Variants in FRMD4B observed in about 807,000 individuals in gnomAD.
FRMD4B encodes the protein FERM domain containing 4B, also known as FERM domain-containing protein 4B.
Under a neutral mutation model 141.5 loss-of-function variants are expected in FRMD4B, and 74 were observed. The ratio of observed to expected loss-of-function variants is 0.52; its 90% CI spans 0.43 to 0.63. FRMD4B has a LOEUF of 0.63. Among genes scored for constraint, FRMD4B ranks in the 30% least tolerant of loss-of-function variants. The pLI, the probability that FRMD4B is intolerant of heterozygous loss-of-function variation, is 0.00. For synonymous variants in FRMD4B, 506 were observed against 467.9 expected (o/e 1.08, Z -1.05); for missense variants, 1,366 against 1,253.4 (o/e 1.09, Z -1.36).
intron 1 of FRMD4B, among the ~76,000 whole-genome samples, chr3:69,506,536 CTTT>C (rs1186898512): frequency 6.8e-6 from 1 of 146,504 alleles, no homozygotes; most frequent in Non-Finnish European, 1.5e-5. Flanking sequence ...CTGCTAAATT[CTTT>C]TTTTTTTTCT....
In FRMD4B at chr3:69,525,269, C is replaced by T. The variant is rs530835468; in HGVS notation, c.-129+16937G>A. On this transcript the variant is annotated intron_variant, in intron 1 of 5. Transcript: ENST00000459638. Reference sequence around the variant, plus strand: ...ACAGTCTTTTTTCAGACTCCCCTTTCTCAGAGCACACAGGATGGGTAGATG... The same window carrying T: ...ACAGTCTTTTTTCAGACTCCCCTTTTTCAGAGCACACAGGATGGGTAGATG... Among the ~76,000 whole-genome samples, 1,292 of 152,344 alleles carry T rather than the reference C, an allele frequency of 8.5e-3. 21 individuals are homozygous for T. The highest frequency in any genetic ancestry group is 0.029 in the African/African-American group (1,190 of 41,574).
rs746205727 is a variant in FRMD4B, at chr3:69,176,493, C to T, written c.2984+31G>A. 5 of 1,585,998 alleles carry T rather than the reference C, an allele frequency of 3.2e-6. No homozygotes were observed. In the African/African-American group the frequency reaches 4.0e-5, roughly 13 times the overall value. On this transcript the variant is annotated intron_variant, in intron 22 of 22. Transcript: ENST00000398540. Reference sequence around the variant, plus strand: ...CTGAATTCTTTTGAACTGGAACAGGCTCCTAGGATTTTCGAGCATTGCTTC... The same window carrying T: ...CTGAATTCTTTTGAACTGGAACAGGTTCCTAGGATTTTCGAGCATTGCTTC...
chr3:69,476,620 T>G lies in FRMD4B; in HGVS notation c.-128-43859A>C, dbSNP rs577844642. ...TGGTTACTCTAGCCTTGTAGTATAG[T>G]TTGAAGTCAGGTAGCGTGATGCCTC... is the stretch of plus-strand genomic sequence containing the variant. On this transcript the variant is annotated intron_variant, in intron 1 of 5. Transcript: ENST00000459638. Among the ~76,000 whole-genome samples the G allele has an allele frequency of 1.7e-3, 254 of 152,326 alleles. 1 individual carries two copies. The highest frequency in any genetic ancestry group is 9.3e-3 in the South Asian group (45 of 4,824).
At chr3:69,287,880 C>T (rs756002477) in intron 4 of FRMD4B, 44 bp from the exon 5 acceptor site, 1 of 900,730 alleles carries the variant, frequency 1.1e-6, no homozygotes. Flanking sequence ...TTTATTTTCA[C>T]CTCTCAGCAT....
At chr3:69,199,777 C>T (rs992452687) in intron 11 of FRMD4B, among the ~76,000 whole-genome samples, 1 of 152,220 alleles carries the variant, frequency 6.6e-6, no homozygotes, top group Admixed American at 6.5e-5. Flanking sequence ...GAGGAACAAA[C>T]TTTACTAGCA....
chr3:69,239,581 G>T (rs1027576660), intron 7 of FRMD4B, among the ~76,000 whole-genome samples: 3 of 152,136 alleles, frequency 2.0e-5, no homozygotes, highest in African/African-American at 7.2e-5. Context: ...TGGGAAGCAG[G>T]TTAACATGAA....
chr3:69,527,973 G>A (rs968054671), intron 1 of FRMD4B, among the ~76,000 whole-genome samples: 4 of 152,152 alleles, frequency 2.6e-5, no homozygotes, highest in African/African-American at 9.7e-5. Context: ...TGCAGACACT[G>A]ATAGAGGCAA....
intron 7 of FRMD4B, among the ~76,000 whole-genome samples, chr3:69,247,187 T>G (rs747441536): frequency 3.3e-5 from 5 of 152,160 alleles, no homozygotes; most frequent in Non-Finnish European, 5.9e-5. Flanking sequence ...GGGCAACGTT[T>G]ACATACATTT....
intron 1 of FRMD4B, among the ~76,000 whole-genome samples, chr3:69,495,626 G>C (rs1351394518): frequency 2.0e-5 from 3 of 152,272 alleles, no homozygotes; most frequent in South Asian, 2.1e-4. Context: ...GAACTTAGTT[G>C]AATTATTCAT....
chr3:69,423,814 A>G (rs1442579674), intron 2 of FRMD4B, among the ~76,000 whole-genome samples: 1 of 152,160 alleles, frequency 6.6e-6, no homozygotes, highest in Non-Finnish European at 1.5e-5. Flanking sequence ...TACCAAATCA[A>G]GTGGACTGTC....
chr3:69,387,012 TG>T (rs1414082021), upstream of FRMD4B, among the ~76,000 whole-genome samples: 1 of 152,174 alleles, frequency 6.6e-6, no homozygotes, highest in Non-Finnish European at 1.5e-5. Flanking sequence ...CCACCACTCA[TG>T]AAGTCACTAG....
chr3:69,495,356 C>A (rs549698977), intron 1 of FRMD4B, among the ~76,000 whole-genome samples: 57 of 152,192 alleles, frequency 3.7e-4, no homozygotes, highest in Non-Finnish European at 6.9e-4. Flanking sequence ...CTATGAAGAA[C>A]AGAAAGATAA....
intron 1 of FRMD4B, among the ~76,000 whole-genome samples, chr3:69,444,053 C>G (rs578175593): frequency 6.6e-6 from 1 of 152,178 alleles, no homozygotes; most frequent in East Asian, 1.9e-4. Flanking sequence ...TGGCCCCCAC[C>G]CAGAGGCTGA....
intron 2 of FRMD4B, among the ~76,000 whole-genome samples, chr3:69,394,288 G>A (rs901465550): frequency 2.0e-5 from 3 of 152,186 alleles, no homozygotes; most frequent in African/African-American, 4.8e-5. Flanking sequence ...CCAGGCCCAC[G>A]GCCTTATCCA....
intron 11 of FRMD4B, among the ~76,000 whole-genome samples, chr3:69,202,770 T>A (rs1464649072): frequency 6.6e-6 from 1 of 152,190 alleles, no homozygotes. Flanking sequence ...AATCACTAGT[T>A]GTGCCTTTTG....
intron 6 of FRMD4B, among the ~76,000 whole-genome samples, chr3:69,249,522 A>G (rs115889216): frequency 6.6e-6 from 1 of 152,230 alleles, no homozygotes; most frequent in African/African-American, 2.4e-5. Context: ...TTAAGATCAC[A>G]TGATAAATGC....
intron 11 of FRMD4B, among the ~76,000 whole-genome samples, chr3:69,215,701 A>C (rs1390981064): frequency 6.6e-6 from 1 of 152,182 alleles, no homozygotes; most frequent in Non-Finnish European, 1.5e-5. Context: ...AAGAAGACTT[A>C]TACCTGCATC....
chr3:69,250,712 A>G (rs796514305), intron 5 of FRMD4B, among the ~76,000 whole-genome samples: 5 of 150,710 alleles, frequency 3.3e-5, no homozygotes, highest in African/African-American at 1.2e-4. Context: ...AGGAACTCTA[A>G]TTTATCAGTT....
In FRMD4B at chr3:69,181,720, G is replaced by T; in HGVS notation, c.2040-10C>A. 1 of 1,580,164 alleles carries T rather than the reference G, an allele frequency of 6.3e-7. No homozygotes were observed. The highest frequency in any genetic ancestry group is 8.6e-7 in the Non-Finnish European group (1 of 1,157,514). On this transcript the variant is annotated splice_polypyrimidine_tract_variant and intron_variant, in intron 20 of 22. Transcript: ENST00000398540. ...AGATGAAGATTCGGGTCTGAAAGAG[G>T]AGAAAGGCAAACTTCTCAACACCAA...
Sources: allele counts gnomAD v4.1 joint callset (sites outside exome capture counted in the v4.1 genomes callset), GRCh38; gene constraint gnomAD v4.1.1; transcripts MANE v1.5; gene names NCBI Gene and HGNC (gene_info 2026-07-23, HGNC 2026-07-21).